Variants in PPP4R2 observed in about 807,000 individuals in gnomAD.
PPP4R2 encodes serine/threonine-protein phosphatase 4 regulatory subunit 2.
Under a neutral mutation model 47.2 loss-of-function variants are expected in PPP4R2, and 13 were observed. That is an observed-to-expected ratio of 0.28 (90% confidence interval 0.18 to 0.44). The LOEUF (loss-of-function observed/expected upper bound fraction) is 0.44, where lower values mean the gene tolerates loss of function less well. Among genes scored for constraint, PPP4R2 ranks in the 20% least tolerant of loss-of-function variants. The pLI is 1.00. For synonymous variants in PPP4R2, 151 were observed against 163.3 expected (o/e 0.92, Z 0.57); for missense variants, 421 against 491.2 (o/e 0.86, Z 1.35).
chr3:73,066,901 C>T lies in PPP4R2; in HGVS notation c.*1179C>T, dbSNP rs886069839. On this transcript the variant is annotated 3_prime_UTR_variant, in exon 9 of 9. Coordinates refer to ENST00000356692, the MANE Select transcript of PPP4R2 (RefSeq NM_174907.4). Reference sequence around the variant, plus strand: ...GCCAGTGTTATATTTTTCAGATCAACACAAAGCACAATGATTACTCGAAAT... The same window carrying T: ...GCCAGTGTTATATTTTTCAGATCAATACAAAGCACAATGATTACTCGAAAT... 2.0e-5 allele frequency: 3 copies of T among 152,068 alleles called. No individual in the cohort carries two copies. The highest frequency in any genetic ancestry group is 7.2e-5 in the African/African-American group (3 of 41,426). The allele number at this position is 152,068 out of a possible 1,614,324, so 9.4% of individuals were successfully genotyped here.
rs571674714 is a variant in PPP4R2, at chr3:73,037,758, C to T, written c.117-9428C>T. On this transcript the variant is annotated intron_variant, in intron 2 of 8. Coordinates refer to ENST00000356692, the MANE Select transcript of PPP4R2 (RefSeq NM_174907.4). The stretch of plus-strand genomic sequence containing the variant: ...AAAGTTCCAACTTTGTCCTGAGGCC[C>T]TTCCTTGTTGAGCCCTAAACCTACA... Among the ~76,000 whole-genome samples the T allele has an allele frequency of 5.3e-5, 8 of 152,202 alleles. No individual in the cohort carries two copies. The East Asian group carries it at 1.5e-3, about 29-fold the overall frequency.
chr3:73,031,508 C>G (rs1401389995), intron 2 of PPP4R2, among the ~76,000 whole-genome samples: 3 of 152,002 alleles, frequency 2.0e-5, no homozygotes, highest in Admixed American at 6.6e-5. Flanking sequence ...TGTCATGGCA[C>G]TCCACCCTGG....
intron 7 of PPP4R2, 69 bp from the exon 8 acceptor site, chr3:73,064,783 C>T: frequency 1.5e-6 from 2 of 1,326,378 alleles, no homozygotes; most frequent in Non-Finnish European, 2.1e-6. Flanking sequence ...ATTATTTAAC[C>T]TTAAAAATGG....
intron 3 of PPP4R2, among the ~76,000 whole-genome samples, chr3:73,054,506 A>T (rs1337217975): frequency 1.3e-5 from 2 of 152,204 alleles, no homozygotes; most frequent in Non-Finnish European, 2.9e-5. Flanking sequence ...AGTTAAGTTT[A>T]ACTCAGTATT....
chr3:73,058,455 A>T (rs541515986), intron 3 of PPP4R2, among the ~76,000 whole-genome samples: 11 of 151,658 alleles, frequency 7.3e-5, no homozygotes, highest in Admixed American at 6.6e-4. Context: ...TTATATAAAA[A>T]TTTTTTCCTC....
rs146680906 is a variant in PPP4R2, at chr3:73,063,483, G to A, written c.420-190G>A. On this transcript the variant is annotated intron_variant, in intron 5 of 8. Coordinates refer to ENST00000356692, the MANE Select transcript of PPP4R2 (RefSeq NM_174907.4). ...TACTAAAAATAAAAAAAATAGCTGC[G>A]CATGGCATCACACGTCTGTCATCCC... The A allele has an allele frequency of 8.0e-4, 408 of 510,652 alleles. 1 individual carries two copies. The highest frequency in any genetic ancestry group is 1.0e-3 in the Admixed American group (29 of 28,882). The allele number at this position is 510,652 out of a possible 1,614,324, so 31.6% of individuals were successfully genotyped here.
At chr3:73,053,922 AAAG>A (rs1227182736) in intron 3 of PPP4R2, among the ~76,000 whole-genome samples, 3 of 151,860 alleles carry the variant, frequency 2.0e-5, no homozygotes, top group African/African-American at 7.2e-5. Flanking sequence ...AAAAAAAAAA[AAAG>A]CGAAATCTGT....
At chr3:73,053,237 C>T (rs1702656997) in intron 3 of PPP4R2, among the ~76,000 whole-genome samples, 1 of 152,146 alleles carries the variant, frequency 6.6e-6, no homozygotes, top group South Asian at 2.1e-4. Context: ...CTCACATACA[C>T]AAACCCACAC....
intron 2 of PPP4R2, among the ~76,000 whole-genome samples, chr3:73,042,407 C>G (rs1224377238): frequency 7.2e-6 from 1 of 139,838 alleles, no homozygotes; most frequent in Non-Finnish European, 1.5e-5. Flanking sequence ...CTGTGTCACC[C>G]AGGCTGGAGT....
chr3:73,057,284 T>C (rs1268058809), intron 3 of PPP4R2, among the ~76,000 whole-genome samples: 3 of 152,288 alleles, frequency 2.0e-5, no homozygotes, highest in East Asian at 3.9e-4. Context: ...GTTGTCTTTA[T>C]AGGAATGAAA....
chr3:73,035,712 C>T (rs573295973), intron 2 of PPP4R2, among the ~76,000 whole-genome samples: 2 of 152,170 alleles, frequency 1.3e-5, no homozygotes, highest in South Asian at 4.2e-4. Context: ...GCAACCTCTG[C>T]CTCCTGAGTT....
chr3:73,026,798 G>A (rs1326521136), intron 2 of PPP4R2, among the ~76,000 whole-genome samples: 1 of 152,092 alleles, frequency 6.6e-6, no homozygotes, highest in Non-Finnish European at 1.5e-5. Context: ...GTGACCCAGG[G>A]AAGCCAAAAC....
At chr3:73,015,123 C>G (rs1379631238) in intron 2 of PPP4R2, 1 of 442,758 alleles carries the variant, frequency 2.3e-6, no homozygotes. Flanking sequence ...TCAGAAATGT[C>G]ATAAAGTCCT....
At chr3:73,024,296 T>A (rs1702016215) in intron 2 of PPP4R2, among the ~76,000 whole-genome samples, 1 of 152,058 alleles carries the variant, frequency 6.6e-6, no homozygotes, top group African/African-American at 2.4e-5. Flanking sequence ...CAAACTAAAA[T>A]CAAGGGATAA....
chr3:73,059,856 A>T (rs1702809039), intron 4 of PPP4R2, among the ~76,000 whole-genome samples: 1 of 151,848 alleles, frequency 6.6e-6, no homozygotes. Flanking sequence ...AATTGCTAGA[A>T]CCTGGGAGAC....
In PPP4R2 at chr3:73,069,061, T is replaced by C. The variant is rs936441114; in HGVS notation, c.*3339T>C. The C allele has an allele frequency of 6.6e-6, 1 of 152,206 alleles. No individual in the cohort carries two copies. Among genetic ancestry groups the C allele is most frequent in the African/African-American group, 2.4e-5 (1 of 41,452 alleles). 9.4% of individuals were successfully genotyped at this position (152,206 alleles called of 1,614,324 possible). A position where few individuals can be genotyped will look rare whatever the true frequency, so the allele number is the denominator to read the frequency against. On this transcript the variant is annotated 3_prime_UTR_variant, in exon 9 of 9. Transcript: ENST00000356692. ...GGCCTAATAAGAGTGCTAGTATGTA[T>C]TGGTTAGACTACATCTTACTATTTC...
rs766631650 is a variant in PPP4R2, at chr3:73,064,021, T to A, written c.513T>A (p.Pro171=). ...SYTERSNING[P]GTPRPLNRPK... Reference sequence around the variant, plus strand: ...ATTATAGGTCTAATATAAATGGGCCTGGGACACCCAGGCCACTTAATCGAC... The same window carrying A: ...ATTATAGGTCTAATATAAATGGGCCAGGGACACCCAGGCCACTTAATCGAC... The change falls in exon 7 of 9, where the codon CCT becomes CCA. Residue 171 remains proline (P), a synonymous_variant. Coordinates refer to ENST00000356692, the MANE Select transcript of PPP4R2 (RefSeq NM_174907.4). 1 of 1,605,360 alleles carries A rather than the reference T, an allele frequency of 6.2e-7. No individual in the cohort carries two copies. The highest frequency in any genetic ancestry group is 1.3e-5 in the African/African-American group (1 of 74,314).
chr3:73,062,318 A>T (rs766467623), intron 5 of PPP4R2: 20 of 1,604,948 alleles, frequency 1.2e-5, no homozygotes, highest in Non-Finnish European at 1.5e-5. Context: ...GATTTGAGCT[A>T]TCTGGGAAAA....
In PPP4R2 at chr3:73,032,289, C is replaced by CTTT. The variant is rs199550474; in HGVS notation, c.117-14886_117-14884dup. On this transcript the variant is annotated intron_variant, in intron 2 of 8. Coordinates refer to ENST00000356692, the MANE Select transcript of PPP4R2 (RefSeq NM_174907.4). ...AAGTAAAACTGCTTTAAAATTATTT[C>CTTT]TTTTTTTTTTTTTGAGACGGAGTCT... 1.3e-3 allele frequency among the ~76,000 whole-genome samples: 195 copies of CTTT among 145,004 alleles called. 4 individuals carry two copies. The South Asian group carries it at 0.029, about 22-fold the overall frequency.
Sources: allele counts gnomAD v4.1 joint callset (sites outside exome capture counted in the v4.1 genomes callset), GRCh38; gene constraint gnomAD v4.1.1; transcripts MANE v1.5; gene names NCBI Gene and HGNC (gene_info 2026-07-23, HGNC 2026-07-21).